Variants in BCL7A observed in about 807,000 individuals in gnomAD.
BCL7A encodes the protein BAF chromatin remodeling complex subunit BCL7A.
A neutral mutation model predicts 28.4 loss-of-function variants in BCL7A; 11 were observed. The ratio of observed to expected loss-of-function variants is 0.39; its 90% CI spans 0.24 to 0.64. BCL7A has a LOEUF of 0.64. Among genes scored for constraint, BCL7A ranks in the 30% least tolerant of loss-of-function variants. BCL7A has a pLI of 0.50. For synonymous variants in BCL7A, 123 were observed against 103.3 expected, an observed-to-expected ratio of 1.19 and a Z score of -1.15; for missense variants, 222 against 274.8, an observed-to-expected ratio of 0.81 and a Z score of 1.36.
rs1018607761 is a variant in BCL7A, at chr12:122,060,130, G to A, written c.*967G>A. 1.4e-4 allele frequency: 32 copies of A among 233,212 alleles called. No homozygotes were observed. Among genetic ancestry groups the A allele is most frequent in the African/African-American group, 6.0e-4 (27 of 45,316 alleles). 14.4% of individuals were successfully genotyped at this position (233,212 alleles called of 1,614,324 possible). On this transcript the variant is annotated 3_prime_UTR_variant, in exon 6 of 6. Coordinates refer to ENST00000261822, the MANE Select transcript of BCL7A (RefSeq NM_001024808.3). ...TGGGAGCCGGCGGCAGGATTAGCTGGTGCTGAACTTTCTCTCATAGGACGT... is the reference window on the plus strand; with the variant it reads ...TGGGAGCCGGCGGCAGGATTAGCTGATGCTGAACTTTCTCTCATAGGACGT...
chr12:122,053,820 T>C (rs890081490), intron 4 of BCL7A, among the ~76,000 whole-genome samples: 1 of 152,068 alleles, frequency 6.6e-6, no homozygotes, highest in Non-Finnish European at 1.5e-5. Flanking sequence ...TGGAATGGTG[T>C]GCGGCCATCT....
Position 122,027,785 on chromosome 12 carries a change from C to T in BCL7A, c.93-2915C>T, listed in dbSNP as rs1157227727. Among the ~76,000 whole-genome samples, 5 of 144,030 alleles carry T rather than the reference C, an allele frequency of 3.5e-5. 1 individual carries two copies. The highest frequency in any genetic ancestry group is 4.6e-4 in the South Asian group (2 of 4,394). 94.5% of individuals were successfully genotyped at this position (144,030 alleles called of 152,430 possible). On this transcript the variant is annotated intron_variant, in intron 1 of 5. Coordinates refer to ENST00000261822, the MANE Select transcript of BCL7A (RefSeq NM_001024808.3). ...CCGGGAGGCGGAGGTTGCAGTGAGC[C>T]GAGATTGTGCCACTGCACTCCAGCC...
chr12:122,028,734 A>G lies in BCL7A; in HGVS notation c.93-1966A>G, dbSNP rs1012381458. ...TTCTGCATCTGTAAAAAGGGTGACAATCGTCCCCCTCTTGTAGCCTGTTGG... is the reference window on the plus strand; with the variant it reads ...TTCTGCATCTGTAAAAAGGGTGACAGTCGTCCCCCTCTTGTAGCCTGTTGG... On this transcript the variant is annotated intron_variant, in intron 1 of 5. Transcript: ENST00000261822. Among the ~76,000 whole-genome samples, 29 of 152,284 alleles carry G rather than the reference A, an allele frequency of 1.9e-4. 1 individual carries two copies. Among genetic ancestry groups the G allele is most frequent in the African/African-American group, 7.0e-4 (29 of 41,566 alleles).
intron 4 of BCL7A, among the ~76,000 whole-genome samples, chr12:122,052,880 G>T (rs1446760069): frequency 1.5e-5 from 2 of 130,574 alleles, no homozygotes; most frequent in Non-Finnish European, 3.3e-5. Flanking sequence ...GGGGGGGGGG[G>T]GGGTTTGCCA....
At chr12:122,030,823 C>T (rs778455865) in intron 2 of BCL7A, 42 bp downstream of exon 2, 10 of 1,571,328 alleles carry the variant, frequency 6.4e-6, no homozygotes, top group South Asian at 5.5e-5. Context: ...GCCACCCATT[C>T]GTGCTCCTCC....
chr12:122,024,676 A>G (rs1883576058), intron 1 of BCL7A, among the ~76,000 whole-genome samples: 1 of 152,194 alleles, frequency 6.6e-6, no homozygotes, highest in Non-Finnish European at 1.5e-5. Flanking sequence ...TTAACCAGAT[A>G]AAAATACAGC....
intron 1 of BCL7A, among the ~76,000 whole-genome samples, chr12:122,025,226 G>A (rs73217756): frequency 0.015 from 2,246 of 152,196 alleles, 22 homozygotes; most frequent in Non-Finnish European, 0.021. Context: ...GGCCCGCTGC[G>A]GTGGCTCACG....
At chr12:122,022,772 T>C (rs1593019444) in intron 1 of BCL7A, among the ~76,000 whole-genome samples, 2 of 149,720 alleles carry the variant, frequency 1.3e-5, no homozygotes, top group Admixed American at 6.6e-5. Context: ...GCGCGAGCCG[T>C]TTAAATTTAG....
intron 4 of BCL7A, among the ~76,000 whole-genome samples, chr12:122,053,255 C>T (rs954539105): frequency 6.6e-6 from 1 of 152,238 alleles, no homozygotes; most frequent in Non-Finnish European, 1.5e-5. Flanking sequence ...CTTGGCCTCC[C>T]AAAGTGGTGG....
intron 1 of BCL7A, among the ~76,000 whole-genome samples, chr12:122,022,437 G>A (rs1180183601): frequency 6.9e-6 from 1 of 145,206 alleles, no homozygotes; most frequent in African/African-American, 2.5e-5. Context: ...CGGAGGCGGC[G>A]GGCGCCGGGG....
intron 3 of BCL7A, among the ~76,000 whole-genome samples, chr12:122,038,086 A>C (rs1041805463): frequency 6.6e-6 from 1 of 151,640 alleles, no homozygotes; most frequent in Admixed American, 6.6e-5. Flanking sequence ...GCACCACTGC[A>C]CTCCAGCCCA....
intron 1 of BCL7A, among the ~76,000 whole-genome samples, chr12:122,028,710 T>C (rs1289385778): frequency 6.6e-6 from 1 of 152,186 alleles, no homozygotes. Context: ...GCATCCTGTT[T>C]CTGCATCTGT....
intron 3 of BCL7A, among the ~76,000 whole-genome samples, chr12:122,037,211 C>G (rs1329861888): frequency 1.3e-5 from 2 of 152,230 alleles, no homozygotes; most frequent in African/African-American, 2.4e-5. Flanking sequence ...CCCACTGCCT[C>G]TTTGTCACCT....
intron 3 of BCL7A, among the ~76,000 whole-genome samples, chr12:122,040,957 G>T (rs77066933): frequency 6.6e-6 from 1 of 152,220 alleles, no homozygotes; most frequent in Non-Finnish European, 1.5e-5. Context: ...CCTCTTGCGC[G>T]TGTGCTTGCC....
intron 1 of BCL7A, among the ~76,000 whole-genome samples, chr12:122,027,873 G>A (rs1458016502): frequency 6.6e-6 from 1 of 152,132 alleles, no homozygotes; most frequent in African/African-American, 2.4e-5. Context: ...AGAAAGTGAT[G>A]AGTATAGCTT....
chr12:122,056,646 G>T (rs942354671), intron 5 of BCL7A, among the ~76,000 whole-genome samples: 1 of 151,912 alleles, frequency 6.6e-6, no homozygotes. Flanking sequence ...CCAACAAAAA[G>T]AAAAAGAAAA....
chr12:122,030,494 A>G (rs1210652381), intron 1 of BCL7A, among the ~76,000 whole-genome samples: 1 of 152,214 alleles, frequency 6.6e-6, no homozygotes, highest in Non-Finnish European at 1.5e-5. Context: ...GGAGAGGGCA[A>G]CCACCCTATG....
Position 122,029,070 on chromosome 12 carries a change from G to A in BCL7A, c.93-1630G>A, listed in dbSNP as rs537393157. Among the ~76,000 whole-genome samples the A allele has an allele frequency of 1.3e-5, 2 of 152,324 alleles. No homozygotes were observed. The highest frequency in any genetic ancestry group is 1.9e-4 in the East Asian group (1 of 5,186). On this transcript the variant is annotated intron_variant, in intron 1 of 5. Coordinates refer to ENST00000261822, the MANE Select transcript of BCL7A (RefSeq NM_001024808.3). This position sits in a 1 kb window ranked among gnomAD's most constrained non-coding sequence, Gnocchi z 4.3. Reference sequence around the variant, plus strand: ...AGCAGAGAGGCTGGTCTCAACAGCTGTGCTGGGTGAAGGGTTCGAGTGCTG... The same window carrying A: ...AGCAGAGAGGCTGGTCTCAACAGCTATGCTGGGTGAAGGGTTCGAGTGCTG...
intron 1 of BCL7A, 79 bp from the exon 2 acceptor site, chr12:122,030,621 C>G: frequency 7.4e-7 from 1 of 1,351,284 alleles, no homozygotes; most frequent in Non-Finnish European, 1.1e-6. Flanking sequence ...GGAGCTTGCT[C>G]TCAGCCCCAA....
Sources: gnomAD v4.1 joint callset for allele counts (sites outside exome capture counted in the v4.1 genomes callset) on GRCh38, gnomAD v4.1.1 for gene constraint, Gnocchi (gnomAD v3.1) non-coding constraint, MANE v1.5 for transcripts, NCBI Gene and HGNC (gene_info 2026-07-23, HGNC 2026-07-21) for gene names.